CTNNA2: variants seen among roughly 807,000 people sequenced by gnomAD.
CTNNA2 encodes catenin alpha 2.
A neutral mutation model predicts 101.0 loss-of-function variants in CTNNA2; 42 were observed. That is an observed-to-expected ratio of 0.42 (90% CI 0.32 to 0.54). The LOEUF (loss-of-function observed/expected upper bound fraction) is 0.54, where lower values mean the gene tolerates loss of function less well. CTNNA2 is among the 20% of genes least tolerant of loss of function. CTNNA2 has a pLI of 0.14. For synonymous variants in CTNNA2, 450 were observed against 456.4 expected (o/e 0.99, Z 0.18); for missense variants, 871 against 1,223.1 (o/e 0.71, Z 4.29).
chr2:79,497,578 G>T (rs966045293), intron 4 of CTNNA2, among the ~76,000 whole-genome samples: 1 of 151,920 alleles, frequency 6.6e-6, no homozygotes, highest in Non-Finnish European at 1.5e-5. Context: ...CACTCCCTTT[G>T]GTGTCCTGCA....
chr2:80,606,367 AACACACAC>A lies in CTNNA2; in HGVS notation c.2296-1778_2296-1771del, dbSNP rs67402125. Reference sequence around the variant, plus strand: ...CAGTTGATATGTGAAAAACACATCAAACACACACACACACACACACACACACACACACA... The same window carrying A: ...CAGTTGATATGTGAAAAACACATCAAACACACACACACACACACACACACA... On this transcript the variant is annotated intron_variant, in intron 16 of 18. Transcript: ENST00000402739. Among the ~76,000 whole-genome samples, 881 of 137,498 alleles carry A rather than the reference AACACACAC, an allele frequency of 6.4e-3. 2 individuals carry two copies. Among genetic ancestry groups the A allele is most frequent in the Middle Eastern group, 0.018 (5 of 272 alleles). The allele number at this position is 137,498 out of a possible 152,430, so 90.2% of individuals were successfully genotyped here. A position where few individuals can be genotyped will look rare whatever the true frequency, so the allele number is the denominator to read the frequency against.
chr2:79,744,110 G>A (rs1671480963), intron 2 of CTNNA2, among the ~76,000 whole-genome samples: 1 of 152,142 alleles, frequency 6.6e-6, no homozygotes, highest in African/African-American at 2.4e-5. Flanking sequence ...GAGTGAACTT[G>A]AAGCTTTGAC....
intron 2 of CTNNA2, among the ~76,000 whole-genome samples, chr2:79,269,537 T>TA (rs1675034556): frequency 6.6e-6 from 1 of 152,144 alleles, no homozygotes; most frequent in South Asian, 2.1e-4. Flanking sequence ...TCTGTACTTT[T>TA]AAAAAACAAG....
intron 18 of CTNNA2, among the ~76,000 whole-genome samples, chr2:80,622,757 G>A (rs764594796): frequency 6.6e-6 from 1 of 151,660 alleles, no homozygotes; most frequent in Non-Finnish European, 1.5e-5. Flanking sequence ...TGCCATTCGA[G>A]TCTCTTCCAA....
intron 1 of CTNNA2, among the ~76,000 whole-genome samples, chr2:79,642,025 T>G (rs1478512908): frequency 1.3e-5 from 2 of 152,218 alleles, no homozygotes; most frequent in African/African-American, 4.8e-5. Context: ...GCTTTGGAGC[T>G]TTCTTTGTAT....
chr2:79,501,555 C>T (rs1671319913), intron 4 of CTNNA2, among the ~76,000 whole-genome samples: 1 of 152,144 alleles, frequency 6.6e-6, no homozygotes, highest in Admixed American at 6.5e-5. Context: ...GATTTTTTTT[C>T]TCTAATACTG....
intron 7 of CTNNA2, among the ~76,000 whole-genome samples, chr2:80,044,168 C>G (rs1373803814): frequency 6.6e-6 from 1 of 152,036 alleles, no homozygotes; most frequent in Non-Finnish European, 1.5e-5. Flanking sequence ...AGAAGACAGG[C>G]TGATATATTA....
intron 17 of CTNNA2, among the ~76,000 whole-genome samples, chr2:80,609,309 T>A (rs1698270077): frequency 6.6e-6 from 1 of 151,780 alleles, no homozygotes. Flanking sequence ...AACAAATCAT[T>A]CTTGAACCCA....
At chr2:80,509,196 G>A (rs933932646) in intron 9 of CTNNA2, among the ~76,000 whole-genome samples, 3 of 152,178 alleles carry the variant, frequency 2.0e-5, no homozygotes, top group African/African-American at 4.8e-5. Flanking sequence ...GAAGTGTGTG[G>A]TGAAGTTCTT....
chr2:79,839,685 T>G (rs901183779), intron 3 of CTNNA2, among the ~76,000 whole-genome samples: 1 of 152,090 alleles, frequency 6.6e-6, no homozygotes, highest in Non-Finnish European at 1.5e-5. Flanking sequence ...TAGCTGGGTC[T>G]AACCTGTTAT....
At chr2:79,522,526 G>A (rs939537197) in intron 1 of CTNNA2, among the ~76,000 whole-genome samples, 6 of 152,176 alleles carry the variant, frequency 3.9e-5, no homozygotes, top group African/African-American at 7.2e-5. Context: ...CAAAAATCCA[G>A]GCTGACACAG....
intron 9 of CTNNA2, among the ~76,000 whole-genome samples, chr2:80,443,185 G>T (rs1378710088): frequency 6.6e-6 from 1 of 152,150 alleles, no homozygotes; most frequent in African/African-American, 2.4e-5. Context: ...CATTGACTCA[G>T]GGAAGCATCG....
At chr2:79,903,153 G>A (rs564617856) in intron 6 of CTNNA2, among the ~76,000 whole-genome samples, 9 of 152,274 alleles carry the variant, frequency 5.9e-5, no homozygotes, top group Admixed American at 3.9e-4. Flanking sequence ...TAGTGTTAGA[G>A]GTCTAGGTTT....
At chr2:80,328,289 T>C (rs1238628594) in intron 7 of CTNNA2, 2 of 471,056 alleles carry the variant, frequency 4.2e-6, no homozygotes, top group African/African-American at 2.0e-5. Context: ...CCTTCTTTGC[T>C]CTGTCCTGAA....
At chr2:80,474,438 A>G (rs1358018601) in intron 9 of CTNNA2, among the ~76,000 whole-genome samples, 4 of 152,108 alleles carry the variant, frequency 2.6e-5, no homozygotes, top group Non-Finnish European at 5.9e-5. Flanking sequence ...ACCATATCCC[A>G]TCTCATCCCC....
intron 17 of CTNNA2, chr2:80,616,638 C>T (rs1417758334): frequency 6.6e-6 from 1 of 151,628 alleles, no homozygotes; most frequent in African/African-American, 2.4e-5. Flanking sequence ...CACTTCATAT[C>T]TTGTCTTAAA....
intron 3 of CTNNA2, among the ~76,000 whole-genome samples, chr2:79,757,688 C>A (rs529425368): frequency 7.2e-5 from 11 of 152,306 alleles, no homozygotes; most frequent in Admixed American, 2.0e-4. Context: ...AGAACACAGC[C>A]ACAGGTGGCT....
chr2:80,011,405 C>T (rs719487), intron 7 of CTNNA2, among the ~76,000 whole-genome samples: 35,160 of 152,096 alleles, frequency 0.23, 5,041 homozygotes, highest in African/African-American at 0.4. Flanking sequence ...ACTGTTTGGC[C>T]TTTTTCTTGC....
intron 4 of CTNNA2, among the ~76,000 whole-genome samples, chr2:79,411,284 T>A (rs2104491730): frequency 6.6e-6 from 1 of 152,130 alleles, no homozygotes; most frequent in Non-Finnish European, 1.5e-5. Context: ...GAAGGGTTTT[T>A]TGTGTCTCTA....
Sources: allele counts gnomAD v4.1 joint callset (sites outside exome capture counted in the v4.1 genomes callset), GRCh38; gene constraint gnomAD v4.1.1; transcripts MANE v1.5; gene names NCBI Gene and HGNC (gene_info 2026-07-23, HGNC 2026-07-21).